Variants in RPS6KC1 observed in about 807,000 individuals in gnomAD.
The protein encoded by RPS6KC1 is ribosomal protein S6 kinase C1, also known as inactive ribosomal protein S6 kinase delta-1.
RPS6KC1 carries 54 observed loss-of-function variants against 103.8 expected under a neutral mutation model. That is an observed-to-expected ratio of 0.52 (90% CI 0.42 to 0.65). The LOEUF is 0.65. Ranked by LOEUF, RPS6KC1 falls within the 30% of genes least tolerant of loss-of-function variation. The probability of loss-of-function intolerance (pLI) is 0.00; values close to 1 mark genes in which losing one functional copy is unlikely to be tolerated. For missense variants in RPS6KC1, 1,151 were observed against 1,253.8 expected (o/e 0.92, Z 1.24); for synonymous variants, 439 against 438.7 (o/e 1.00, Z -0.01).
chr1:213,732,004 A>G, the RPS6KC1 span, among the ~76,000 whole-genome samples: 1 of 152,222 alleles, frequency 6.6e-6, no homozygotes, highest in Admixed American at 6.5e-5. Flanking sequence ...AAAGTTTGTA[A>G]CAATAAATAG....
At chr1:213,115,876 T>G (rs1415514380) in intron 4 of RPS6KC1, among the ~76,000 whole-genome samples, 2 of 152,258 alleles carry the variant, frequency 1.3e-5, no homozygotes, top group Non-Finnish European at 2.9e-5. Context: ...AGTGAGTTTC[T>G]TAATCCTGAG....
At chr1:213,592,098 C>T in the RPS6KC1 span, among the ~76,000 whole-genome samples, 1 of 152,152 alleles carries the variant, frequency 6.6e-6, no homozygotes, top group Non-Finnish European at 1.5e-5. Flanking sequence ...TACTGCACAA[C>T]TGATTCCCAT....
chr1:213,840,713 T>TA, the RPS6KC1 span: 10 of 151,368 alleles, frequency 6.6e-5, no homozygotes, highest in East Asian at 5.8e-4. Context: ...ATGTTTGCAT[T>TA]AAAAAAAAAT....
At chr1:213,404,278 G>A in the RPS6KC1 span, among the ~76,000 whole-genome samples, 8 of 152,142 alleles carry the variant, frequency 5.3e-5, no homozygotes, top group African/African-American at 1.9e-4. Flanking sequence ...GAAGTTCTTT[G>A]AGCAAGGAGG....
intron 7 of RPS6KC1, among the ~76,000 whole-genome samples, chr1:213,175,798 G>T (rs1485666272): frequency 6.6e-6 from 1 of 152,106 alleles, no homozygotes; most frequent in South Asian, 2.1e-4. Context: ...CTCAGTTTTA[G>T]TAATTATTGG....
the RPS6KC1 span, among the ~76,000 whole-genome samples, chr1:213,352,942 T>C: frequency 1.3e-5 from 2 of 152,212 alleles, no homozygotes. Flanking sequence ...AACCAACTTA[T>C]ATTTGCTGAG....
the RPS6KC1 span, among the ~76,000 whole-genome samples, chr1:213,480,572 A>G: frequency 3.9e-5 from 6 of 152,112 alleles, no homozygotes; most frequent in African/African-American, 1.4e-4. Context: ...AAGACTTAAT[A>G]TCAGGATACA....
At chr1:213,557,810 T>C in the RPS6KC1 span, among the ~76,000 whole-genome samples, 1 of 151,648 alleles carries the variant, frequency 6.6e-6, no homozygotes, top group Non-Finnish European at 1.5e-5. Context: ...GGCTGCCTCT[T>C]CCCACTGCAT....
chr1:213,386,392 A>G, the RPS6KC1 span, among the ~76,000 whole-genome samples: 8,778 of 152,216 alleles, frequency 0.058, 840 homozygotes, highest in African/African-American at 0.2. Context: ...CGGTTTCCTC[A>G]TCTGTGCAAA....
chr1:213,501,984 GTCC>G, the RPS6KC1 span, among the ~76,000 whole-genome samples: 4 of 152,182 alleles, frequency 2.6e-5, no homozygotes, highest in East Asian at 5.8e-4. Context: ...GTAGAGCTCT[GTCC>G]TCCTAGAATT....
the RPS6KC1 span, among the ~76,000 whole-genome samples, chr1:213,826,912 C>T: frequency 6.6e-6 from 1 of 152,150 alleles, no homozygotes; most frequent in Admixed American, 6.6e-5. Flanking sequence ...GGGTTCAGGT[C>T]CCATCACATT....
the RPS6KC1 span, among the ~76,000 whole-genome samples, chr1:213,706,344 T>G: frequency 3.2e-4 from 49 of 152,336 alleles, no homozygotes; most frequent in Admixed American, 7.2e-4. Context: ...GGTTTGGTTT[T>G]GTTTTGTTTT....
the RPS6KC1 span, among the ~76,000 whole-genome samples, chr1:213,475,680 T>C: frequency 1.3e-5 from 2 of 151,328 alleles, no homozygotes; most frequent in East Asian, 4.0e-4. Context: ...CAGGGTTCCA[T>C]GGGTCACTGT....
the RPS6KC1 span, among the ~76,000 whole-genome samples, chr1:213,521,837 C>A: frequency 1.3e-5 from 2 of 152,174 alleles, no homozygotes; most frequent in Non-Finnish European, 2.9e-5. Context: ...AATTCTAGTT[C>A]TCTTGGTATT....
chr1:213,858,116 C>T, the RPS6KC1 span, among the ~76,000 whole-genome samples: 5 of 152,058 alleles, frequency 3.3e-5, no homozygotes, highest in East Asian at 1.9e-4. Flanking sequence ...GCAAGATATG[C>T]GTATCAATAA....
intron 12 of RPS6KC1, among the ~76,000 whole-genome samples, chr1:213,249,236 A>C (rs1043317277): frequency 6.6e-6 from 1 of 152,318 alleles, no homozygotes; most frequent in Admixed American, 6.5e-5. Context: ...TTTGATGTTT[A>C]ACAAAGATGT....
the RPS6KC1 span, among the ~76,000 whole-genome samples, chr1:213,303,660 C>T: frequency 1.3e-5 from 2 of 152,152 alleles, no homozygotes; most frequent in African/African-American, 4.8e-5. Context: ...TTCCTCCCAG[C>T]CGTGCAGAAT....
chr1:213,199,677 C>G (rs953274334), intron 8 of RPS6KC1, among the ~76,000 whole-genome samples: 1 of 152,126 alleles, frequency 6.6e-6, no homozygotes, highest in East Asian at 1.9e-4. Flanking sequence ...AAATAAAGGG[C>G]ATTCAAATAG....
the RPS6KC1 span, among the ~76,000 whole-genome samples, chr1:213,649,415 C>T: frequency 6.6e-6 from 1 of 152,090 alleles, no homozygotes; most frequent in Non-Finnish European, 1.5e-5. Context: ...GCCTCAGTCT[C>T]TCCTCCACTC....
Sources: gnomAD v4.1 joint callset for allele counts (sites outside exome capture counted in the v4.1 genomes callset) on GRCh38, gnomAD v4.1.1 for gene constraint, MANE v1.5 for transcripts, NCBI Gene and HGNC (gene_info 2026-07-23, HGNC 2026-07-21) for gene names.